The following TBC1D5 variants were observed in gnomAD, a reference collection of about 807,000 sequenced individuals.
TBC1D5 encodes TBC1 domain family member 5, also known as TBC1 domain family, member 5.
TBC1D5 carries 75 observed loss-of-function variants against 100.3 expected under a neutral mutation model. The observed-to-expected ratio is 0.75, with a 90% confidence interval of 0.62 to 0.91. The LOEUF is 0.91. TBC1D5 is among the 40% of genes least tolerant of loss of function. The probability of loss-of-function intolerance (pLI) is 0.00; values close to 1 mark genes in which losing one functional copy is unlikely to be tolerated. For missense variants in TBC1D5, 910 were observed against 942.4 expected (o/e 0.97, Z 0.45); for synonymous variants, 323 against 325.6 (o/e 0.99, Z 0.09).
intron 3 of TBC1D5, 53 bp from the exon 4 acceptor site, chr3:17,428,572 G>T (rs542256944): frequency 2.4e-4 from 240 of 1,016,878 alleles, no homozygotes; most frequent in East Asian, 1.5e-3. Context: ...GAATATTTCA[G>T]TTGAAAAACT....
intron 1 of TBC1D5, among the ~76,000 whole-genome samples, chr3:17,691,956 A>C (rs1042915400): frequency 6.6e-6 from 1 of 152,210 alleles, no homozygotes; most frequent in African/African-American, 2.4e-5. Flanking sequence ...CACACAACAA[A>C]AGAGAGCCAT....
chr3:17,683,625 T>C (rs754046869), intron 1 of TBC1D5, among the ~76,000 whole-genome samples: 1 of 152,180 alleles, frequency 6.6e-6, no homozygotes, highest in Non-Finnish European at 1.5e-5. Flanking sequence ...GTACTATCTA[T>C]GTGTACAAAA....
At chr3:17,473,280 C>T (rs2150163147) in intron 3 of TBC1D5, among the ~76,000 whole-genome samples, 2 of 152,230 alleles carry the variant, frequency 1.3e-5, no homozygotes, top group South Asian at 4.1e-4. Context: ...ACCTTGAAAG[C>T]ATATCCGAAT....
At chr3:17,381,448 G>C (rs1160332612) in intron 9 of TBC1D5, among the ~76,000 whole-genome samples, 1 of 152,042 alleles carries the variant, frequency 6.6e-6, no homozygotes, top group Non-Finnish European at 1.5e-5. Flanking sequence ...AAATAACAAA[G>C]AGATAAGGTT....
chr3:17,426,885 T>G (rs1454353277), intron 4 of TBC1D5, among the ~76,000 whole-genome samples: 1 of 150,510 alleles, frequency 6.6e-6, no homozygotes, highest in African/African-American at 2.5e-5. Context: ...TGAAATACAT[T>G]TTTTTGTCTT....
intron 2 of TBC1D5, among the ~76,000 whole-genome samples, chr3:17,510,919 GAGTA>G (rs1431921826): frequency 6.6e-6 from 1 of 151,908 alleles, no homozygotes; most frequent in Non-Finnish European, 1.5e-5. Flanking sequence ...ATCACACAAG[GAGTA>G]AGTATTAAAG....
intron 2 of TBC1D5, among the ~76,000 whole-genome samples, chr3:17,555,446 G>A (rs2096510048): frequency 6.6e-6 from 1 of 152,134 alleles, no homozygotes; most frequent in Admixed American, 6.5e-5. Context: ...GGTCATAGGT[G>A]GATTCAAAGA....
At chr3:17,548,773 T>C (rs1437916741) in intron 2 of TBC1D5, among the ~76,000 whole-genome samples, 2 of 152,216 alleles carry the variant, frequency 1.3e-5, no homozygotes, top group African/African-American at 4.8e-5. Flanking sequence ...CATTCATTCA[T>C]CTGGGCTAAC....
chr3:17,161,342 G>A (rs754654703), intron 21 of TBC1D5, 86 bp from the exon 23 acceptor site: 72 of 1,450,304 alleles, frequency 5.0e-5, no homozygotes, highest in Non-Finnish European at 6.4e-5. Flanking sequence ...TGGGGGACTC[G>A]TGGTGGAAAG....
intron 3 of TBC1D5, among the ~76,000 whole-genome samples, chr3:17,436,918 C>A (rs1203788327): frequency 6.6e-6 from 1 of 152,090 alleles, no homozygotes; most frequent in Non-Finnish European, 1.5e-5. Flanking sequence ...AGTAGAACTA[C>A]CCAATTTAAG....
intron 1 of TBC1D5, among the ~76,000 whole-genome samples, chr3:17,684,603 A>G (rs2069985868): frequency 6.6e-6 from 1 of 152,114 alleles, no homozygotes; most frequent in Admixed American, 6.6e-5. Flanking sequence ...GTTACGAAAT[A>G]GAATCAGAAA....
chr3:17,379,374 T>C (rs1410077556), intron 9 of TBC1D5, among the ~76,000 whole-genome samples: 1 of 152,096 alleles, frequency 6.6e-6, no homozygotes, highest in Non-Finnish European at 1.5e-5. Context: ...ATATATTTTA[T>C]AACAAGTTAT....
At position 17,425,578 on chromosome 3, in the gene TBC1D5, G is replaced by A. The variant is rs912393477; in HGVS notation, c.167+2872C>T. On this transcript the variant is annotated intron_variant, in intron 4 of 21. Coordinates refer to ENST00000253692, the Ensembl canonical transcript of TBC1D5. ...CAGGTGGTTGAGGCTGCAGTGAGCC[G>A]AGATAGTGCCACTGTACGCCAGCCT... is the stretch of plus-strand genomic sequence containing the variant. Among the ~76,000 whole-genome samples the A allele has an allele frequency of 5.1e-4, 77 of 152,268 alleles. 1 individual carries two copies. The highest frequency in any genetic ancestry group is 6.8e-3 in the Middle Eastern group (2 of 294).
chr3:17,558,898 T>C (rs545915005), intron 2 of TBC1D5, among the ~76,000 whole-genome samples: 2 of 152,292 alleles, frequency 1.3e-5, no homozygotes, highest in African/African-American at 4.8e-5. Flanking sequence ...TTGTAGGTTG[T>C]ACAAAAATGG....
chr3:17,259,612 G>A (rs983537658), intron 15 of TBC1D5, among the ~76,000 whole-genome samples: 4 of 150,532 alleles, frequency 2.7e-5, no homozygotes, highest in African/African-American at 4.9e-5. Flanking sequence ...ATCTGGACAC[G>A]GAAAAGCTGC....
intron 13 of TBC1D5, among the ~76,000 whole-genome samples, chr3:17,363,452 CT>C (rs550697687): frequency 9.9e-5 from 15 of 150,982 alleles, no homozygotes; most frequent in South Asian, 8.4e-4. Context: ...TATTTCTTTC[CT>C]TTTTTTTTAT....
At chr3:17,405,009 A>G in intron 5 of TBC1D5, 48 bp from the exon 6 acceptor site, 1 of 1,252,156 alleles carries the variant, frequency 8.0e-7, no homozygotes, top group Non-Finnish European at 1.1e-6. Flanking sequence ...TAAGATATAA[A>G]ATGTGAAACT....
intron 1 of TBC1D5, among the ~76,000 whole-genome samples, chr3:17,695,579 A>G (rs1040052637): frequency 2.6e-5 from 4 of 152,246 alleles, no homozygotes; most frequent in African/African-American, 9.6e-5. Flanking sequence ...CCAATACAGG[A>G]GCACCCAGAT....
intron 17 of TBC1D5, among the ~76,000 whole-genome samples, chr3:17,219,640 C>A (rs189327844): frequency 4.6e-5 from 7 of 152,152 alleles, no homozygotes; most frequent in African/African-American, 7.2e-5. Context: ...CAAATGGTGA[C>A]AATTCACTGG....
Sources: gnomAD v4.1 joint callset for allele counts (sites outside exome capture counted in the v4.1 genomes callset) on GRCh38, gnomAD v4.1.1 for gene constraint, MANE v1.5 for transcripts, NCBI Gene and HGNC (gene_info 2026-07-23, HGNC 2026-07-21) for gene names.